The following SERAC1 variants were observed in gnomAD, a reference collection of about 807,000 sequenced individuals.
SERAC1 encodes the protein protein SERAC1.
Under a neutral mutation model 85.7 loss-of-function variants are expected in SERAC1, and 36 were observed. The ratio of observed to expected loss-of-function variants is 0.42; its 90% CI spans 0.32 to 0.55. The LOEUF (loss-of-function observed/expected upper bound fraction) is 0.55. Among genes scored for constraint, SERAC1 ranks in the 20% least tolerant of loss-of-function variants. The pLI is 0.11. For synonymous variants in SERAC1, 242 were observed against 265.3 expected (o/e 0.91, Z 0.85); for missense variants, 629 against 796.2 (o/e 0.79, Z 2.53).
intron 1 of SERAC1, among the ~76,000 whole-genome samples, chr6:158,160,147 G>A (rs528053002): frequency 5.4e-4 from 82 of 151,808 alleles, no homozygotes; most frequent in Admixed American, 1.4e-3. Flanking sequence ...TGATCTACCA[G>A]TACGAGAGGG....
intron 8 of SERAC1, among the ~76,000 whole-genome samples, chr6:158,131,760 G>A (rs1023920219): frequency 2.0e-5 from 3 of 152,114 alleles, no homozygotes; most frequent in Non-Finnish European, 4.4e-5. Flanking sequence ...CACAGGGAAA[G>A]TGATAGATAT....
rs1337828454 is a variant in SERAC1 at position 158,130,373 on chromosome 6, C to A, written c.852G>T (p.Glu284Asp). Residue 284 changes from glutamate (E) to aspartate (D), a missense_variant and splice_region_variant, in exon 9 of 17, where the codon GAG becomes GAT. Glu to Asp is a conservative substitution (Grantham distance 45, BLOSUM62 2). Coordinates refer to ENST00000647468, the MANE Select transcript of SERAC1 (RefSeq NM_032861.4). ...FCLEAIVKHSEISTHCDKIEA... is the reference protein window; with the variant it reads ...FCLEAIVKHSDISTHCDKIEA... ...ACTACATTTTGAAAATGTAAATTAC[C>A]TCAGAATGTTTTACTATAGCTTCTA... The A allele has an allele frequency of 6.8e-7, 1 of 1,481,104 alleles. No homozygotes were observed. The highest frequency in any genetic ancestry group is 9.1e-7 in the Non-Finnish European group (1 of 1,101,390). The allele number at this position is 1,481,104 out of a possible 1,614,324, so 91.7% of individuals were successfully genotyped here.
At chr6:158,138,384 G>A (rs1457911586) in intron 8 of SERAC1, among the ~76,000 whole-genome samples, 2 of 143,110 alleles carry the variant, frequency 1.4e-5, no homozygotes, top group African/African-American at 2.6e-5. Context: ...GTAGTGAGTC[G>A]AGATCACACC....
intron 8 of SERAC1, among the ~76,000 whole-genome samples, chr6:158,141,641 T>C (rs373824880): frequency 1.1e-4 from 17 of 152,296 alleles, no homozygotes; most frequent in African/African-American, 4.1e-4. Context: ...CAGATCTCCT[T>C]GGAGAAGCGG....
At chr6:158,124,755 AC>A (rs1784499375) in intron 10 of SERAC1, among the ~76,000 whole-genome samples, 1 of 45,720 alleles carries the variant, frequency 2.2e-5, no homozygotes, top group African/African-American at 4.9e-5. Context: ...GAAAACACAC[AC>A]ACACACACAC....
chr6:158,141,684 A>G (rs1457656061), intron 8 of SERAC1, among the ~76,000 whole-genome samples: 1 of 152,208 alleles, frequency 6.6e-6, no homozygotes, highest in Non-Finnish European at 1.5e-5. Flanking sequence ...AATCAAAAAG[A>G]GCCAGGGATA....
At chr6:158,150,649 A>C in intron 3 of SERAC1, 60 bp from the exon 4 acceptor site, 2 of 1,216,670 alleles carry the variant, frequency 1.6e-6, no homozygotes, top group Non-Finnish European at 2.4e-6. Context: ...CACAAGAGCT[A>C]CTCTTCTCTA....
At chr6:158,140,125 C>T (rs1043840379) in intron 8 of SERAC1, among the ~76,000 whole-genome samples, 3 of 152,132 alleles carry the variant, frequency 2.0e-5, no homozygotes, top group Non-Finnish European at 4.4e-5. Flanking sequence ...ATAAGAAATA[C>T]GTATTTGGTC....
chr6:158,145,284 C>G (rs1785027776), intron 6 of SERAC1: 1 of 152,154 alleles, frequency 6.6e-6, no homozygotes, highest in Non-Finnish European at 1.5e-5. Context: ...ACTTCTGGAT[C>G]AAGTGGGGAA....
rs1253548478 is a variant in SERAC1, at chr6:158,110,674, G to T, written c.*692C>A. The T allele has an allele frequency of 6.6e-6, 1 of 152,156 alleles. No individual in the cohort carries two copies. Among genetic ancestry groups the T allele is most frequent in the Non-Finnish European group, 1.5e-5 (1 of 68,032 alleles). 9.4% of individuals were successfully genotyped at this position (152,156 alleles called of 1,614,324 possible). The stretch of plus-strand genomic sequence containing the variant: ...TCATACTGTGATCAATAATGGATTA[G>T]CTACTTTATCCTTATCTAGGACAAA... On this transcript the variant is annotated 3_prime_UTR_variant, in exon 17 of 17. Coordinates refer to ENST00000647468, the MANE Select transcript of SERAC1 (RefSeq NM_032861.4).
chr6:158,144,992 C>T (rs981760503), intron 6 of SERAC1, among the ~76,000 whole-genome samples: 4 of 152,138 alleles, frequency 2.6e-5, no homozygotes, highest in Non-Finnish European at 2.9e-5. Flanking sequence ...GCCTGTAATA[C>T]CAGCACTTTG....
chr6:158,113,737 AAG>A, intron 15 of SERAC1, 145 bp from the exon 16 acceptor site: 1 of 723,050 alleles, frequency 1.4e-6, no homozygotes, highest in East Asian at 2.7e-5. Context: ...CTCCCCTGCC[AAG>A]AAGCCACTAA....
chr6:158,146,575 AT>A, intron 6 of SERAC1: 8 of 409,340 alleles, frequency 2.0e-5, no homozygotes, highest in Middle Eastern at 7.9e-4. Context: ...TGCCTGGCTA[AT>A]TTTTTTGTAT....
chr6:158,142,165 T>G (rs1285404246), intron 8 of SERAC1, among the ~76,000 whole-genome samples: 1 of 151,910 alleles, frequency 6.6e-6, no homozygotes, highest in Non-Finnish European at 1.5e-5. Flanking sequence ...ACTTTTTCTT[T>G]TCTTTTTTTT....
chr6:158,120,395 G>A lies in SERAC1; in HGVS notation c.1166+30C>T, dbSNP rs771606113. The stretch of plus-strand genomic sequence containing the variant: ...CCTCTAGGCTTCACATTTCCAAAGG[G>A]GACAAAGCAACTCTCTTCTGCTTCC... On this transcript the variant is annotated intron_variant, in intron 11 of 16. Transcript: ENST00000647468. The surrounding 1 kb of genome is among the most constrained non-coding windows in gnomAD (Gnocchi z 4.4). 2 of 1,589,398 alleles carry A rather than the reference G, an allele frequency of 1.3e-6. No individual in the cohort carries two copies. Among genetic ancestry groups the A allele is most frequent in the East Asian group, 2.3e-5 (1 of 44,002 alleles).
intron 8 of SERAC1, among the ~76,000 whole-genome samples, chr6:158,139,988 T>C (rs1784878514): frequency 1.3e-5 from 2 of 152,196 alleles, no homozygotes; most frequent in Non-Finnish European, 2.9e-5. Context: ...GTGGAAAACA[T>C]TTGAAAGTTA....
chr6:158,134,828 C>A (rs1213925205), intron 8 of SERAC1, among the ~76,000 whole-genome samples: 1 of 152,042 alleles, frequency 6.6e-6, no homozygotes, highest in Non-Finnish European at 1.5e-5. Flanking sequence ...CTCAAAGTAT[C>A]TCCTCCTCCT....
Position 158,150,489 on chromosome 6 carries a change from C to CAT in SERAC1, c.227_228dup (p.Val77MetfsTer7), listed in dbSNP as rs886041750. 2.2e-5 allele frequency: 35 copies of CAT among 1,576,774 alleles called. No individual in the cohort carries two copies. The highest frequency in any genetic ancestry group is 2.9e-5 in the Non-Finnish European group (33 of 1,147,462). On this transcript the variant is annotated frameshift_variant, in exon 4 of 17. Coordinates refer to ENST00000647468, the MANE Select transcript of SERAC1 (RefSeq NM_032861.4). LOFTEE classifies it high-confidence loss of function. ...CCTTTGTCTAAAGAAACTGTGTGCA[C>CAT]ATATATATATGACTTCATTTTTTCT...
At chr6:158,145,570 G>A (rs1389828033) in intron 6 of SERAC1, among the ~76,000 whole-genome samples, 1 of 149,276 alleles carries the variant, frequency 6.7e-6, no homozygotes, top group Non-Finnish European at 1.5e-5. Context: ...GTCCAGGCTG[G>A]AGTGGAGTGG....
Sources: allele counts gnomAD v4.1 joint callset (sites outside exome capture counted in the v4.1 genomes callset), GRCh38; gene constraint gnomAD v4.1.1; non-coding constraint Gnocchi (gnomAD v3.1); transcripts MANE v1.5; gene names NCBI Gene and HGNC (gene_info 2026-07-23, HGNC 2026-07-21).